The following USO1 variants were observed in gnomAD, a reference collection of about 807,000 sequenced individuals.
USO1 encodes the protein general vesicular transport factor p115.
In USO1, 57 loss-of-function variants were observed where a neutral mutation model predicts 124.5. The ratio of observed to expected loss-of-function variants is 0.46; its 90% CI spans 0.37 to 0.57. USO1 has a LOEUF of 0.57. Among genes scored for constraint, USO1 ranks in the 20% least tolerant of loss-of-function variants. USO1 has a pLI of 0.00. For missense variants in USO1, 900 were observed against 1,040.6 expected (o/e 0.86, Z 1.86); for synonymous variants, 369 against 362.8 (o/e 1.02, Z -0.19).
chr4:75,760,526 T>C (rs1287109047), intron 4 of USO1: 2 of 394,562 alleles, frequency 5.1e-6, no homozygotes, highest in Non-Finnish European at 9.0e-6. Context: ...ACGTGTATAC[T>C]ACTACATTAA....
chr4:75,812,882 G>T (rs191960355), intron 23 of USO1, among the ~76,000 whole-genome samples: 1 of 152,182 alleles, frequency 6.6e-6, no homozygotes, highest in Admixed American at 6.5e-5. Context: ...GGGCTGAGGT[G>T]GGCAGATTAC....
At chr4:75,773,522 A>G (rs1032960986) in intron 7 of USO1, among the ~76,000 whole-genome samples, 5 of 152,064 alleles carry the variant, frequency 3.3e-5, no homozygotes, top group African/African-American at 9.7e-5. Flanking sequence ...AGGGCAACCA[A>G]TTTTTTATTT....
At chr4:75,727,034 T>C (rs1414245407) in intron 1 of USO1, among the ~76,000 whole-genome samples, 1 of 152,200 alleles carries the variant, frequency 6.6e-6, no homozygotes, top group Non-Finnish European at 1.5e-5. Context: ...TTAGTAGATG[T>C]ATAATGAGAG....
chr4:75,764,195 C>A (rs1015489717), intron 4 of USO1, among the ~76,000 whole-genome samples: 5 of 152,186 alleles, frequency 3.3e-5, no homozygotes, highest in African/African-American at 1.2e-4. Flanking sequence ...AAGATATTAA[C>A]TCTACTTCTT....
chr4:75,769,644 T>C (rs578049356), intron 4 of USO1, among the ~76,000 whole-genome samples: 2 of 152,090 alleles, frequency 1.3e-5, no homozygotes, highest in Non-Finnish European at 2.9e-5. Flanking sequence ...AGTGAGAGAA[T>C]GGGAAGTAGT....
chr4:75,748,862 T>A (rs1240985735), intron 1 of USO1, among the ~76,000 whole-genome samples: 1 of 152,144 alleles, frequency 6.6e-6, no homozygotes, highest in Non-Finnish European at 1.5e-5. Context: ...TTTGGAAAAC[T>A]ATTTTGACTC....
chr4:75,743,150 A>G (rs1490759411), intron 1 of USO1, among the ~76,000 whole-genome samples: 1 of 151,550 alleles, frequency 6.6e-6, no homozygotes, highest in Non-Finnish European at 1.5e-5. Flanking sequence ...ATGCCTGGCT[A>G]ATTTTCTTGT....
intron 4 of USO1, among the ~76,000 whole-genome samples, chr4:75,761,320 G>C (rs897316845): frequency 5.3e-5 from 8 of 152,158 alleles, no homozygotes; most frequent in African/African-American, 1.9e-4. Flanking sequence ...ACTAAAGTGG[G>C]AAAACTGCTT....
intron 9 of USO1, among the ~76,000 whole-genome samples, chr4:75,783,544 A>C (rs1397087106): frequency 6.6e-6 from 1 of 152,146 alleles, no homozygotes; most frequent in Non-Finnish European, 1.5e-5. Context: ...AGTTTATACT[A>C]GTCTCCTTAC....
At chr4:75,796,351 T>TTTTTTTTTTTTTTTTTTTTG (rs1245669587) in intron 13 of USO1, among the ~76,000 whole-genome samples, 1 of 146,880 alleles carries the variant, frequency 6.8e-6, no homozygotes, top group South Asian at 2.2e-4. Flanking sequence ...CTTTTTTTTT[T>TTTTTTTTTTTTTTTTTTTTG]TTGAGACGGA....
At position 75,793,919 on chromosome 4, in the gene USO1, G is replaced by T. The variant is rs1196548852; in HGVS notation, c.1452+18G>T. 1.2e-6 allele frequency: 2 copies of T among 1,612,806 alleles called. No homozygotes were observed. The highest frequency in any genetic ancestry group is 2.2e-5 in the East Asian group (1 of 44,828). ...TTTCACAGGTAAAGTTTTGCATAAG[G>T]GAAAAAGTTCTATACATTTTGATGT... On this transcript the variant is annotated intron_variant, in intron 13 of 23. Transcript: ENST00000514213.
chr4:75,748,559 A>C (rs1391980978), intron 1 of USO1, among the ~76,000 whole-genome samples: 4 of 152,198 alleles, frequency 2.6e-5, no homozygotes, highest in Non-Finnish European at 5.9e-5. Context: ...GCGTTTAGCA[A>C]GTAATGATTG....
At position 75,808,959 on chromosome 4, in the gene USO1, G is replaced by A. The variant is rs575783303; in HGVS notation, c.2383G>A (p.Ala795Thr). Residue 795 changes from alanine (A) to threonine (T), a missense_variant, in exon 21 of 24, where the codon GCA (alanine) becomes ACA (threonine). Coordinates refer to ENST00000514213, the MANE Select transcript of USO1 (RefSeq NM_003715.4). ...AACTATTTTTGTCTCTTAGGAACTG[G>A]CAACTTTAAAGTCTCAGTTAAACTC... is the stretch of plus-strand genomic sequence containing the variant. ...EQVAELKQELATLKSQLNSQS... is the reference protein window; with the variant it reads ...EQVAELKQELTTLKSQLNSQS... 44 of 1,596,102 alleles carry A rather than the reference G, an allele frequency of 2.8e-5. No homozygotes were observed. In the South Asian group the frequency reaches 5.0e-4, roughly 18 times the overall value.
At chr4:75,770,384 A>G in intron 4 of USO1, 55 bp from the exon 5 acceptor site, 2 of 1,445,622 alleles carry the variant, frequency 1.4e-6, no homozygotes, top group Non-Finnish European at 1.8e-6. Flanking sequence ...CAATGAAAGG[A>G]TATTTTAAAA....
intron 12 of USO1, 24 bp downstream of exon 12, chr4:75,790,821 T>C (rs1420781305): frequency 1.3e-6 from 2 of 1,530,866 alleles, no homozygotes; most frequent in Admixed American, 4.6e-5. Flanking sequence ...TTCTAATTTT[T>C]ATTTGAAAAA....
chr4:75,735,384 G>T (rs1720761164), intron 1 of USO1, among the ~76,000 whole-genome samples: 1 of 152,194 alleles, frequency 6.6e-6, no homozygotes, highest in Non-Finnish European at 1.5e-5. Flanking sequence ...TATTAGCAAA[G>T]AGATAGTTTG....
Position 75,730,565 on chromosome 4 carries a change from T to C in USO1, c.66+5680T>C, listed in dbSNP as rs148294135. On this transcript the variant is annotated intron_variant, in intron 1 of 23. Transcript: ENST00000514213. Reference sequence around the variant, plus strand: ...ATGCCTTTTTCTTTATTTTCCTTTATTTCATTAAAAACATTACTCTTGAAT... The same window carrying C: ...ATGCCTTTTTCTTTATTTTCCTTTACTTCATTAAAAACATTACTCTTGAAT... Among the ~76,000 whole-genome samples, 125 of 152,248 alleles carry C rather than the reference T, an allele frequency of 8.2e-4. 1 individual carries two copies. Among genetic ancestry groups the C allele is most frequent in the South Asian group, 3.5e-3 (17 of 4,828 alleles).
chr4:75,793,546 TTTAATA>T, intron 12 of USO1, 138 bp from the exon 13 acceptor site: 2 of 1,124,756 alleles, frequency 1.8e-6, no homozygotes, highest in Non-Finnish European at 2.5e-6. Flanking sequence ...TGAAAGTATA[TTTAATA>T]CTACTCATTA....
chr4:75,755,946 G>A (rs938777800), intron 3 of USO1, among the ~76,000 whole-genome samples: 7 of 152,054 alleles, frequency 4.6e-5, no homozygotes, highest in African/African-American at 1.7e-4. Context: ...CGAGGTGAGC[G>A]AATCCCAAGG....
Sources: gnomAD v4.1 joint callset for allele counts (sites outside exome capture counted in the v4.1 genomes callset) on GRCh38, gnomAD v4.1.1 for gene constraint, MANE v1.5 for transcripts, NCBI Gene and HGNC (gene_info 2026-07-23, HGNC 2026-07-21) for gene names.